Variants in FAM13B observed in about 807,000 individuals in gnomAD.
FAM13B encodes protein FAM13B.
Under a neutral mutation model 117.3 loss-of-function variants are expected in FAM13B, and 60 were observed. The observed-to-expected ratio is 0.51, with a 90% CI of 0.42 to 0.63. FAM13B has a LOEUF of 0.63. Among genes scored for constraint, FAM13B ranks in the 30% least tolerant of loss-of-function variants. FAM13B has a pLI of 0.00. For missense variants in FAM13B, 972 were observed against 1,091.9 expected (o/e 0.89, Z 1.55); for synonymous variants, 332 against 356.1 (o/e 0.93, Z 0.76).
At chr5:137,940,567 T>TA (rs1273191520) in intron 23 of FAM13B, 21 of 464,326 alleles carry the variant, frequency 4.5e-5, no homozygotes, top group Non-Finnish European at 7.5e-5. Flanking sequence ...TAAATGATGC[T>TA]ATACTTATAA....
At chr5:138,005,959 C>T (rs1304483058) in intron 7 of FAM13B, among the ~76,000 whole-genome samples, 5 of 149,950 alleles carry the variant, frequency 3.3e-5, no homozygotes, top group East Asian at 1.9e-4. Flanking sequence ...AGTGCAGTGG[C>T]GCGATCTCGA....
At chr5:137,948,903 G>C (rs370811304) in intron 18 of FAM13B, 52 bp downstream of exon 18, 2 of 1,401,722 alleles carry the variant, frequency 1.4e-6, no homozygotes, top group African/African-American at 2.9e-5. Context: ...TAATTATTTT[G>C]TTTCAGGAAT....
At chr5:137,966,484 T>TAGAGAGAG (rs1203408763) in intron 10 of FAM13B, among the ~76,000 whole-genome samples, 650 of 50,294 alleles carry the variant, frequency 0.013, 2 homozygotes, top group Non-Finnish European at 0.018. Flanking sequence ...TATATATATA[T>TAGAGAGAG]ATATAGAGAG....
chr5:137,957,656 A>T (rs557846218), intron 13 of FAM13B, among the ~76,000 whole-genome samples: 25 of 152,294 alleles, frequency 1.6e-4, no homozygotes, highest in Non-Finnish European at 2.9e-5. Flanking sequence ...TACAAAGCAC[A>T]TGCACAGTTC....
chr5:137,942,175 G>A, intron 22 of FAM13B, 130 bp from the exon 23 acceptor site: 1 of 669,828 alleles, frequency 1.5e-6, no homozygotes, highest in South Asian at 1.9e-5. Context: ...AAGCTCCACT[G>A]CAAACCAATG....
chr5:137,987,740 G>T, intron 8 of FAM13B, 124 bp from the exon 9 acceptor site: 1 of 816,284 alleles, frequency 1.2e-6, no homozygotes, highest in Non-Finnish European at 1.8e-6. Flanking sequence ...AAACCAAAGT[G>T]TAAAAAGAAA....
In FAM13B at chr5:138,011,797, C is replaced by T; in HGVS notation, c.519G>A (p.Leu173=). Residue 173 remains leucine, a synonymous_variant, in exon 5 of 24, where the codon TTG becomes TTA. Coordinates refer to ENST00000689681, the MANE Select transcript of FAM13B (RefSeq NM_001385994.1). ...AGACATCTGGACCAAAGACAGCAGC[C>T]AAAGAATTTGCGGACCAAATTTCTT... ...HHEEIWSANS[L]AAVFGPDVFH... The T allele has an allele frequency of 6.2e-7, 1 of 1,611,534 alleles. No homozygotes were observed. Among genetic ancestry groups the T allele is most frequent in the East Asian group, 2.2e-5 (1 of 44,768 alleles).
chr5:137,963,326 G>A (rs1013694062), intron 10 of FAM13B, among the ~76,000 whole-genome samples: 19 of 152,168 alleles, frequency 1.2e-4, no homozygotes, highest in African/African-American at 4.6e-4. Flanking sequence ...AGTCAAACAG[G>A]TATCAACAAT....
intron 4 of FAM13B, among the ~76,000 whole-genome samples, chr5:138,013,331 C>T (rs1229937835): frequency 6.6e-6 from 1 of 152,000 alleles, no homozygotes; most frequent in Admixed American, 6.6e-5. Flanking sequence ...GAAATCCCAT[C>T]TCTACTAAAA....
At chr5:138,028,658 A>G (rs1353691116) in intron 1 of FAM13B, among the ~76,000 whole-genome samples, 7 of 152,186 alleles carry the variant, frequency 4.6e-5, no homozygotes, top group Admixed American at 4.6e-4. Flanking sequence ...TGAGGTGGGC[A>G]GATCACCAGA....
In FAM13B at chr5:138,018,348, A is replaced by G; in HGVS notation, c.324T>C (p.Pro108=). ...GAATATGTAAACTGCCAGGGATAAC[A>G]GGTTCAGGAAGTTCTTGAAGAAAAA... ...LRFFLQELPE[P]VIPGSLHIHL... is the part of the protein sequence containing the mutation. Residue 108 remains proline, a synonymous_variant, in exon 4 of 24, where the codon CCT becomes CCC. Coordinates refer to ENST00000689681, the MANE Select transcript of FAM13B (RefSeq NM_001385994.1). 6.2e-7 allele frequency: 1 copy of G among 1,614,184 alleles called. No homozygotes were observed. The highest frequency in any genetic ancestry group is 8.5e-7 in the Non-Finnish European group (1 of 1,180,014).
At chr5:138,003,931 C>G (rs1303572308) in intron 7 of FAM13B, among the ~76,000 whole-genome samples, 1 of 152,122 alleles carries the variant, frequency 6.6e-6, no homozygotes, top group African/African-American at 2.4e-5. Flanking sequence ...ACTGCTTTTT[C>G]TATACTTTAA....
intron 17 of FAM13B, among the ~76,000 whole-genome samples, chr5:137,951,311 T>C (rs1764967663): frequency 6.6e-6 from 1 of 151,878 alleles, no homozygotes; most frequent in South Asian, 2.1e-4. Context: ...TCTGTCTTGT[T>C]CACTGCTATA....
At chr5:138,025,313 A>ATATATATATATATATATATTT (rs1788041739) in intron 1 of FAM13B, among the ~76,000 whole-genome samples, 1 of 111,198 alleles carries the variant, frequency 9.0e-6, no homozygotes, top group Non-Finnish European at 1.8e-5. Context: ...ATATATATGT[A>ATATATATATATATATATATTT]TTTTTTTTTT....
At chr5:138,045,244 A>T (rs1439550092) in intron 1 of FAM13B, among the ~76,000 whole-genome samples, 1 of 152,170 alleles carries the variant, frequency 6.6e-6, no homozygotes, top group African/African-American at 2.4e-5. Context: ...AGAATGAGAA[A>T]AGAATGAGGC....
chr5:138,044,376 AC>A (rs1791584377), intron 1 of FAM13B, among the ~76,000 whole-genome samples: 1 of 152,034 alleles, frequency 6.6e-6, no homozygotes, highest in African/African-American at 2.4e-5. Flanking sequence ...ATGTGGTGAA[AC>A]CCAGTCTCTA....
chr5:138,010,292 G>C (rs1217244148), intron 6 of FAM13B, among the ~76,000 whole-genome samples: 2 of 152,092 alleles, frequency 1.3e-5, no homozygotes, highest in African/African-American at 4.8e-5. Context: ...ATTTTAACAT[G>C]TTATATCACA....
At chr5:138,045,389 C>A (rs1791612294) in intron 1 of FAM13B, among the ~76,000 whole-genome samples, 1 of 151,862 alleles carries the variant, frequency 6.6e-6, no homozygotes, top group Admixed American at 6.6e-5. Flanking sequence ...CAAAAATTAG[C>A]CAAGCACAGT....
At chr5:138,048,073 AAAAG>A (rs1224396460) in intron 1 of FAM13B, among the ~76,000 whole-genome samples, 6 of 152,300 alleles carry the variant, frequency 3.9e-5, no homozygotes, top group South Asian at 2.1e-4. Flanking sequence ...AAAGAAAGAA[AAAAG>A]AAAGAAAGAA....
Sources: gnomAD v4.1 joint callset for allele counts (sites outside exome capture counted in the v4.1 genomes callset) on GRCh38, gnomAD v4.1.1 for gene constraint, MANE v1.5 for transcripts, NCBI Gene and HGNC (gene_info 2026-07-23, HGNC 2026-07-21) for gene names.